Variants in ASXL2 observed in about 807,000 individuals in gnomAD.
ASXL2 encodes ASXL transcriptional regulator 2.
A neutral mutation model predicts 122.0 loss-of-function variants in ASXL2; 23 were observed. That is an observed-to-expected ratio of 0.19 (90% CI 0.14 to 0.27). The LOEUF is 0.27. Ranked by LOEUF, ASXL2 falls within the 10% of genes least tolerant of loss-of-function variation. The pLI is 1.00. For synonymous variants in ASXL2, 650 were observed against 637.0 expected (o/e 1.02, Z -0.31); for missense variants, 1,518 against 1,713.8 (o/e 0.89, Z 2.02).
chr2:25,741,986 C>T lies in ASXL2; in HGVS notation c.*43G>A, dbSNP rs1316893048. The T allele has an allele frequency of 8.4e-6, 13 of 1,553,818 alleles. No individual in the cohort carries two copies. The highest frequency in any genetic ancestry group is 1.1e-5 in the Non-Finnish European group (13 of 1,144,318). On this transcript the variant is annotated 3_prime_UTR_variant, in exon 13 of 13. Transcript: ENST00000435504. The stretch of plus-strand genomic sequence containing the variant: ...ACGCAAAAAACCCAACTGGTCAACC[C>T]TTCCCTTCCCCCTCCTTTACAGTGT...
At chr2:25,811,100 A>AC (rs1559518075) in intron 3 of ASXL2, among the ~76,000 whole-genome samples, 11 of 149,838 alleles carry the variant, frequency 7.3e-5, no homozygotes, top group African/African-American at 1.2e-4. Flanking sequence ...ACACACACAC[A>AC]AAATCAGCCA....
chr2:25,803,807 A>G (rs1390138052), intron 4 of ASXL2, among the ~76,000 whole-genome samples: 7 of 152,144 alleles, frequency 4.6e-5, no homozygotes, highest in Non-Finnish European at 1.5e-5. Flanking sequence ...TTGCCCACCA[A>G]TCACCTCCAG....
At chr2:25,850,557 C>T (rs1192339449) in intron 1 of ASXL2, among the ~76,000 whole-genome samples, 1 of 152,164 alleles carries the variant, frequency 6.6e-6, no homozygotes, top group Non-Finnish European at 1.5e-5. Flanking sequence ...TTATGGTATA[C>T]TTCCTACCAC....
At chr2:25,838,042 T>C (rs1219509532) in intron 2 of ASXL2, among the ~76,000 whole-genome samples, 4 of 151,136 alleles carry the variant, frequency 2.6e-5, no homozygotes, top group Non-Finnish European at 5.9e-5. Context: ...AAGGCTGCGG[T>C]GAGCCATGAT....
At chr2:25,853,200 C>A (rs2089737699) in intron 1 of ASXL2, among the ~76,000 whole-genome samples, 1 of 152,158 alleles carries the variant, frequency 6.6e-6, no homozygotes, top group Non-Finnish European at 1.5e-5. Flanking sequence ...AAAATGAATT[C>A]AGAGGATGCG....
rs60732948 is a variant in ASXL2, at chr2:25,757,674, C to CAA, written c.940-1562_940-1561dup. On this transcript the variant is annotated intron_variant, in intron 9 of 12. Transcript: ENST00000435504. ...CAGGCGACAGAGGGAGACTCCATCT[C>CAA]AAAAAAAAAAAAAAAAAAAAAAAAA... 1.0e-3 allele frequency among the ~76,000 whole-genome samples: 37 copies of CAA among 35,830 alleles called. 4 individuals carry two copies. Among genetic ancestry groups the CAA allele is most frequent in the African/African-American group, 1.5e-3 (12 of 8,132 alleles). The allele number at this position is 35,830 out of a possible 152,430, so 23.5% of individuals were successfully genotyped here. A position where few individuals can be genotyped will look rare whatever the true frequency, so the allele number is the denominator to read the frequency against.
intron 2 of ASXL2, among the ~76,000 whole-genome samples, chr2:25,836,136 T>C (rs968513750): frequency 1.3e-5 from 2 of 152,198 alleles, no homozygotes; most frequent in Admixed American, 6.5e-5. Flanking sequence ...CAGTGCCTCA[T>C]GCCGAGGCCA....
At chr2:25,865,158 T>C (rs1049821443) in intron 1 of ASXL2, among the ~76,000 whole-genome samples, 1 of 150,784 alleles carries the variant, frequency 6.6e-6, no homozygotes, top group Non-Finnish European at 1.5e-5. Context: ...AGGCCAGGCA[T>C]GGTGGCTCAC....
intron 5 of ASXL2, among the ~76,000 whole-genome samples, chr2:25,778,234 T>C (rs1027975870): frequency 3.3e-5 from 5 of 152,256 alleles, no homozygotes; most frequent in Admixed American, 6.5e-5. Flanking sequence ...AAGATCATCC[T>C]GGATTATCCA....
In ASXL2 at chr2:25,781,959, C is replaced by CTTTTTTTT. The variant is rs1327580113; in HGVS notation, c.404-10420_404-10419insAAAAAAAA. 3.5e-3 allele frequency among the ~76,000 whole-genome samples: 306 copies of CTTTTTTTT among 88,350 alleles called. 65 individuals are homozygous for CTTTTTTTT. Among genetic ancestry groups the CTTTTTTTT allele is most frequent in the Non-Finnish European group, 4.6e-3 (197 of 42,678 alleles). 58.0% of individuals were successfully genotyped at this position (88,350 alleles called of 152,430 possible). On this transcript the variant is annotated intron_variant, in intron 5 of 12. Coordinates refer to ENST00000435504, the MANE Select transcript of ASXL2 (RefSeq NM_018263.6). ...TAACAGGCGTGAGCCACCGCCCGGGCTTTTTTCTTTTTTTTTTTTTTTTTT... is the reference window on the plus strand; with the variant it reads ...TAACAGGCGTGAGCCACCGCCCGGGCTTTTTTTTTTTTTTCTTTTTTTTTTTTTTTTTT...
intron 6 of ASXL2, 47 bp from the exon 7 acceptor site, chr2:25,768,915 T>C: frequency 2.5e-6 from 4 of 1,582,800 alleles, no homozygotes; most frequent in East Asian, 2.2e-5. Context: ...ATCAGTTTTT[T>C]AGTAATAATA....
Position 25,742,934 on chromosome 2 carries a change from A to G in ASXL2, c.3403T>C (p.Ser1135Pro). 2 of 1,613,960 alleles carry G rather than the reference A, an allele frequency of 1.2e-6. No homozygotes were observed. The highest frequency in any genetic ancestry group is 1.7e-6 in the Non-Finnish European group (2 of 1,179,886). ...GAATGGGTCCTCCTAAAGCTCTCTG[A>G]GCCCCGGCCGTAGGTAGAAATATTC... ...LLNISTYGRG[S>P]ESFRRTHSVN... is the part of the protein sequence containing the mutation. Residue 1135 changes from serine (S) to proline (P), a missense_variant, in exon 13 of 13, where the codon TCA becomes CCA. Around this residue, in one of 8 missense-constraint regions of ASXL2, gnomAD observed 831 missense variants for 833.1 expected, o/e 1.00. Transcript: ENST00000435504.
At chr2:25,774,040 A>G (rs915360661) in intron 5 of ASXL2, among the ~76,000 whole-genome samples, 3 of 151,680 alleles carry the variant, frequency 2.0e-5, no homozygotes, top group Non-Finnish European at 2.9e-5. Context: ...AGAAGAAAAA[A>G]TAATATATAT....
intron 8 of ASXL2, among the ~76,000 whole-genome samples, chr2:25,762,819 A>G (rs1325086529): frequency 6.6e-6 from 1 of 152,096 alleles, no homozygotes; most frequent in African/African-American, 2.4e-5. Context: ...TTGGGTTGAA[A>G]CCAAAACAAA....
At chr2:25,877,770 G>T (rs888980505) in intron 1 of ASXL2, among the ~76,000 whole-genome samples, 3 of 152,184 alleles carry the variant, frequency 2.0e-5, no homozygotes, top group East Asian at 3.9e-4. Flanking sequence ...CTGGATGCAC[G>T]CACAAGCCTT....
chr2:25,800,737 T>C (rs1462784282), intron 4 of ASXL2, among the ~76,000 whole-genome samples: 2 of 152,174 alleles, frequency 1.3e-5, no homozygotes, highest in Non-Finnish European at 2.9e-5. Context: ...AGTTTCCCCA[T>C]CTATAAGGTG....
chr2:25,752,631 TG>T (rs2149142313), intron 11 of ASXL2, among the ~76,000 whole-genome samples: 1 of 152,206 alleles, frequency 6.6e-6, no homozygotes, highest in African/African-American at 2.4e-5. Context: ...GCAGATCACC[TG>T]AAGTCAGGAG....
chr2:25,857,496 T>A (rs1316292487), intron 1 of ASXL2, among the ~76,000 whole-genome samples: 2 of 152,204 alleles, frequency 1.3e-5, no homozygotes, highest in Non-Finnish European at 2.9e-5. Flanking sequence ...AAACTTCCAA[T>A]TAATCATGGA....
intron 1 of ASXL2, among the ~76,000 whole-genome samples, chr2:25,864,982 T>C (rs1386750424): frequency 2.0e-5 from 3 of 151,698 alleles, no homozygotes; most frequent in Non-Finnish European, 2.9e-5. Flanking sequence ...CCACCGCACC[T>C]AGCTAATTTT....
Sources: gnomAD v4.1 joint callset for allele counts (sites outside exome capture counted in the v4.1 genomes callset) on GRCh38, gnomAD v4.1.1 for gene constraint, gnomAD v4.1.1 regional missense constraint, MANE v1.5 for transcripts, NCBI Gene and HGNC (gene_info 2026-07-23, HGNC 2026-07-21) for gene names.